GABRA5: variants seen among roughly 807,000 people sequenced by gnomAD.
The protein encoded by GABRA5 is gamma-aminobutyric acid receptor subunit alpha-5.
Under a neutral mutation model 47.3 loss-of-function variants are expected in GABRA5, and 18 were observed. That is an observed-to-expected ratio of 0.38 (90% CI 0.26 to 0.56). GABRA5 has a LOEUF of 0.56. Ranked by LOEUF, GABRA5 falls within the 20% of genes least tolerant of loss-of-function variation. GABRA5 has a pLI of 0.71. For synonymous variants in GABRA5, 237 were observed against 229.3 expected (o/e 1.03, Z -0.30); for missense variants, 365 against 599.3 (o/e 0.61, Z 4.08).
At position 26,932,732 on chromosome 15, in the gene GABRA5, G is replaced by A. The variant is rs181144029; in HGVS notation, c.581-4453G>A. Among the ~76,000 whole-genome samples the A allele has an allele frequency of 2.1e-3, 317 of 152,310 alleles. 2 individuals are homozygous for A. The highest frequency in any genetic ancestry group is 6.2e-3 in the South Asian group (30 of 4,828). On this transcript the variant is annotated intron_variant, in intron 7 of 10. Coordinates refer to ENST00000335625, the MANE Select transcript of GABRA5 (RefSeq NM_000810.4). ...TCAACCCAAATGCCCATCAATGATA[G>A]ACTGGATAAGGAAAACGTGGTACAT...
chr15:26,928,833 G>A (rs574241638), intron 7 of GABRA5, among the ~76,000 whole-genome samples: 18 of 152,286 alleles, frequency 1.2e-4, no homozygotes, highest in Admixed American at 3.9e-4. Context: ...TGTCTGGTGA[G>A]GGCCTGCTTT....
At position 26,885,024 on chromosome 15, in the gene GABRA5, C is replaced by A. The variant is rs148635818; in HGVS notation, c.497+1467C>A. On this transcript the variant is annotated intron_variant, in intron 6 of 10. Transcript: ENST00000335625. ...GAATGTAGTGACTCAGGGCCAGGCACGGTGGCTCACGCCTGTAATCCCAGC... is the reference window on the plus strand; with the variant it reads ...GAATGTAGTGACTCAGGGCCAGGCAAGGTGGCTCACGCCTGTAATCCCAGC... Among the ~76,000 whole-genome samples the A allele has an allele frequency of 5.3e-3, 806 of 152,170 alleles. 7 individuals carry two copies. The highest frequency in any genetic ancestry group is 0.018 in the African/African-American group (760 of 41,512).
intron 9 of GABRA5, among the ~76,000 whole-genome samples, chr15:26,941,563 C>T (rs1019780088): frequency 2.6e-5 from 4 of 152,182 alleles, no homozygotes; most frequent in Admixed American, 1.3e-4. Flanking sequence ...AGCCATACTA[C>T]GTGTCCTTGG....
intron 7 of GABRA5, among the ~76,000 whole-genome samples, chr15:26,926,701 C>CTT (rs35555720): frequency 0.5 from 76,609 of 151,746 alleles, 20,285 homozygotes; most frequent in African/African-American, 0.66. Flanking sequence ...TTATGCCACT[C>CTT]TGTATATGAA....
In GABRA5 at chr15:26,923,019, T is replaced by A. The variant is rs149423954; in HGVS notation, c.580+8134T>A. 2.4e-3 allele frequency among the ~76,000 whole-genome samples: 361 copies of A among 152,356 alleles called. 1 individual carries two copies. Among genetic ancestry groups the A allele is most frequent in the African/African-American group, 8.1e-3 (335 of 41,588 alleles). The stretch of plus-strand genomic sequence containing the variant: ...TATGAAAACCTTACCTCCCTTTATG[T>A]CCCTTTACCTTTCCCTAATCTTAAC... On this transcript the variant is annotated intron_variant, in intron 7 of 10. Transcript: ENST00000335625.
At chr15:26,920,578 A>G (rs1289732470) in intron 7 of GABRA5, among the ~76,000 whole-genome samples, 1 of 152,116 alleles carries the variant, frequency 6.6e-6, no homozygotes, top group Non-Finnish European at 1.5e-5. Context: ...ACTCCATTTC[A>G]TTAGGCTCAG....
Position 26,888,643 on chromosome 15 carries a change from C to A in GABRA5, c.497+5086C>A, listed in dbSNP as rs116364070. On this transcript the variant is annotated intron_variant, in intron 6 of 10. Transcript: ENST00000335625. ...AGTGCCTGAAGTACAGGGTGGCCAC[C>A]TGTTTCAGAGACCCCACCAGATCTG... Among the ~76,000 whole-genome samples the A allele has an allele frequency of 5.2e-3, 797 of 152,294 alleles. 9 individuals carry two copies. The highest frequency in any genetic ancestry group is 0.017 in the African/African-American group (689 of 41,550).
In GABRA5 at chr15:26,948,996, C is replaced by G. The variant is rs1205359142; in HGVS notation, c.*763C>G. ...ACAAACAGTGTTTTGATGACATTCT[C>G]AGCACTTGGCCCATGTGATCGCTGT... On this transcript the variant is annotated 3_prime_UTR_variant, in exon 11 of 11. Transcript: ENST00000335625. The G allele has an allele frequency of 1.3e-5, 2 of 152,198 alleles. No homozygotes were observed. The highest frequency in any genetic ancestry group is 2.4e-5 in the African/African-American group (1 of 41,448). 9.4% of individuals were successfully genotyped at this position (152,198 alleles called of 1,614,324 possible). A position where few individuals can be genotyped will look rare whatever the true frequency, so the allele number is the denominator to read the frequency against.
chr15:26,876,635 G>A (rs1892603361), intron 3 of GABRA5, among the ~76,000 whole-genome samples: 1 of 152,178 alleles, frequency 6.6e-6, no homozygotes, highest in Non-Finnish European at 1.5e-5. Flanking sequence ...GCCTGGCAGA[G>A]TGGTTACAAG....
chr15:26,922,075 G>A (rs1490986291), intron 7 of GABRA5, among the ~76,000 whole-genome samples: 1 of 152,082 alleles, frequency 6.6e-6, no homozygotes, highest in Non-Finnish European at 1.5e-5. Context: ...TTGCTGGGTG[G>A]ATTGTCTACA....
chr15:26,913,230 T>C (rs2140293169), intron 6 of GABRA5, among the ~76,000 whole-genome samples: 1 of 151,842 alleles, frequency 6.6e-6, no homozygotes, highest in African/African-American at 2.4e-5. Flanking sequence ...GTGAGACTTT[T>C]GTGTTGTGTT....
At chr15:26,939,159 G>A (rs1894321314) in intron 8 of GABRA5, 1 of 746,220 alleles carries the variant, frequency 1.3e-6, no homozygotes, top group Non-Finnish European at 2.5e-6. Context: ...CCCAAGGTGA[G>A]GCAAATCCAG....
chr15:26,912,668 C>T (rs536697151), intron 6 of GABRA5, among the ~76,000 whole-genome samples: 3 of 152,176 alleles, frequency 2.0e-5, no homozygotes, highest in Admixed American at 2.0e-4. Flanking sequence ...AATATTTAAC[C>T]TTTCAATGTC....
intron 6 of GABRA5, 47 bp from the exon 7 acceptor site, chr15:26,914,756 G>C (rs1893680882): frequency 6.9e-7 from 1 of 1,455,690 alleles, no homozygotes; most frequent in East Asian, 2.3e-5. Context: ...TCAGTGAATG[G>C]CTAGAGTGAG....
intron 7 of GABRA5, among the ~76,000 whole-genome samples, chr15:26,931,904 A>C (rs1329992180): frequency 6.6e-6 from 1 of 152,194 alleles, no homozygotes; most frequent in Non-Finnish European, 1.5e-5. Flanking sequence ...GAGTCAAAGT[A>C]GCAGGCAGGA....
chr15:26,906,774 C>T (rs180905194), intron 6 of GABRA5, among the ~76,000 whole-genome samples: 6 of 152,030 alleles, frequency 3.9e-5, no homozygotes, highest in African/African-American at 7.2e-5. Flanking sequence ...AGTGTGTAGA[C>T]GCACATAACA....
At position 26,943,351 on chromosome 15, in the gene GABRA5, T is replaced by C; in HGVS notation, c.1014T>C (p.Phe338=). 1 of 1,599,064 alleles carries C rather than the reference T, an allele frequency of 6.3e-7. No homozygotes were observed. Among genetic ancestry groups the C allele is most frequent in the Admixed American group, 1.7e-5 (1 of 58,004 alleles). ...TCGTCTTCTCGGCGCTGATAGAGTT[T>C]GCCACGGTCAATTACTTTACCAAGA... The part of the protein sequence containing the change: ...YAFVFSALIE[F]ATVNYFTKRG... The change falls in exon 10 of 11, where the codon TTT becomes TTC. Residue 338 remains phenylalanine (F), a synonymous_variant. Coordinates refer to ENST00000335625, the MANE Select transcript of GABRA5 (RefSeq NM_000810.4).
At chr15:26,879,041 G>A (rs1161475728) in intron 3 of GABRA5, among the ~76,000 whole-genome samples, 1 of 152,142 alleles carries the variant, frequency 6.6e-6, no homozygotes, top group Non-Finnish European at 1.5e-5. Context: ...GGACAGCCAG[G>A]GCTGTTACCA....
At chr15:26,947,846 C>T (rs1010124230) in intron 10 of GABRA5, 88 bp from the exon 11 acceptor site, 2 of 1,232,238 alleles carry the variant, frequency 1.6e-6, no homozygotes, top group Non-Finnish European at 2.3e-6. Flanking sequence ...GTGTTTCTCT[C>T]TTTTGAGAGG....
Sources: gnomAD v4.1 joint callset for allele counts (sites outside exome capture counted in the v4.1 genomes callset) on GRCh38, gnomAD v4.1.1 for gene constraint, MANE v1.5 for transcripts, NCBI Gene and HGNC (gene_info 2026-07-23, HGNC 2026-07-21) for gene names.